RORA: variants seen among roughly 807,000 people sequenced by gnomAD.
RORA encodes the protein RAR related orphan receptor A, also known as nuclear receptor ROR-alpha.
RORA carries 7 observed loss-of-function variants against 69.5 expected under a neutral mutation model. The observed-to-expected ratio is 0.10, with a 90% CI of 0.06 to 0.19. The LOEUF (loss-of-function observed/expected upper bound fraction) is 0.19. Ranked by LOEUF, RORA falls within the 10% of genes least tolerant of loss-of-function variation. The pLI, the probability that RORA is intolerant of heterozygous loss-of-function variation, is 1.00. For synonymous variants in RORA, 261 were observed against 240.8 expected (o/e 1.08, Z -0.78); for missense variants, 457 against 663.0 (o/e 0.69, Z 3.41).
At chr15:60,964,623 G>A (rs1262104221) in intron 1 of RORA, among the ~76,000 whole-genome samples, 1 of 152,178 alleles carries the variant, frequency 6.6e-6, no homozygotes, top group African/African-American at 2.4e-5. Context: ...CTGCCTTGTG[G>A]CAAATGCAGG....
intron 1 of RORA, among the ~76,000 whole-genome samples, chr15:60,945,882 C>T (rs1266290067): frequency 6.6e-6 from 1 of 152,206 alleles, no homozygotes; most frequent in African/African-American, 2.4e-5. Flanking sequence ...ATCTATGAGG[C>T]AGAATCTATT....
At chr15:61,158,366 C>A (rs761218484) in intron 1 of RORA, among the ~76,000 whole-genome samples, 15 of 152,170 alleles carry the variant, frequency 9.9e-5, no homozygotes, top group Non-Finnish European at 1.9e-4. Context: ...TGTGGGTTCT[C>A]AACTTTCTAG....
chr15:60,542,492 C>T (rs995004956), intron 2 of RORA, among the ~76,000 whole-genome samples: 2 of 147,878 alleles, frequency 1.4e-5, no homozygotes, highest in African/African-American at 2.5e-5. Context: ...GCACCTCACA[C>T]GGCACACAGG....
chr15:61,053,932 T>C (rs977432619), intron 1 of RORA, among the ~76,000 whole-genome samples: 17 of 146,830 alleles, frequency 1.2e-4, no homozygotes, highest in Middle Eastern at 3.5e-3. Flanking sequence ...GGACAGTTTA[T>C]TTTGGTTATT....
intron 1 of RORA, among the ~76,000 whole-genome samples, chr15:61,221,159 A>G (rs528341800): frequency 1.2e-3 from 177 of 152,362 alleles, no homozygotes; most frequent in Middle Eastern, 3.4e-3. Flanking sequence ...AGGATAAGAC[A>G]GAAAAAATTA....
intron 1 of RORA, among the ~76,000 whole-genome samples, chr15:60,850,407 G>C (rs80192543): frequency 6.6e-6 from 1 of 152,174 alleles, no homozygotes; most frequent in African/African-American, 2.4e-5. Flanking sequence ...ATGTTTAAGC[G>C]GGGGGTCAGA....
At chr15:60,577,046 A>T (rs1275660557) in intron 2 of RORA, among the ~76,000 whole-genome samples, 1 of 152,052 alleles carries the variant, frequency 6.6e-6, no homozygotes, top group Non-Finnish European at 1.5e-5. Flanking sequence ...CTATATTAAT[A>T]AAAAAAACAA....
intron 1 of RORA, among the ~76,000 whole-genome samples, chr15:60,972,008 T>C (rs1451638185): frequency 6.6e-6 from 1 of 152,202 alleles, no homozygotes; most frequent in Admixed American, 6.5e-5. Flanking sequence ...GATGGGGTCA[T>C]GCCTCCCGAA....
intron 2 of RORA, among the ~76,000 whole-genome samples, chr15:60,556,427 A>G (rs980550565): frequency 6.6e-6 from 1 of 152,218 alleles, no homozygotes; most frequent in Admixed American, 6.5e-5. Flanking sequence ...CCCCACTTCT[A>G]TCCCGCCTTT....
chr15:60,919,519 G>A (rs955807671), intron 1 of RORA, among the ~76,000 whole-genome samples: 2 of 152,192 alleles, frequency 1.3e-5, no homozygotes, highest in Admixed American at 6.5e-5. Context: ...TATAGGGAGT[G>A]CCTCTGCATC....
intron 1 of RORA, among the ~76,000 whole-genome samples, chr15:60,941,566 C>T (rs188530916): frequency 9.1e-4 from 139 of 152,346 alleles, no homozygotes; most frequent in Non-Finnish European, 1.8e-3. Context: ...CCTGTCTGGA[C>T]ACAGCAGCCA....
At chr15:60,512,235 G>A (rs531871875) in intron 4 of RORA, 1 of 152,332 alleles carries the variant, frequency 6.6e-6, no homozygotes. Flanking sequence ...CATGGGTCAT[G>A]GGTCATGGCA....
chr15:61,205,177 G>A (rs982630648), intron 1 of RORA, among the ~76,000 whole-genome samples: 1 of 152,162 alleles, frequency 6.6e-6, no homozygotes, highest in Admixed American at 6.5e-5. Flanking sequence ...TGTGTGGACA[G>A]CATCCAGAAA....
chr15:60,770,696 C>G (rs74907416), intron 1 of RORA, among the ~76,000 whole-genome samples: 5,063 of 152,264 alleles, frequency 0.033, 118 homozygotes, highest in Non-Finnish European at 0.048. Context: ...AATCATAGTG[C>G]ACTGCAGCCT....
intron 1 of RORA, among the ~76,000 whole-genome samples, chr15:60,787,657 C>G (rs1453305732): frequency 1.3e-5 from 2 of 152,226 alleles, no homozygotes; most frequent in Non-Finnish European, 2.9e-5. Context: ...GGCACCTTGA[C>G]TGCTTTCAAG....
chr15:60,502,157 T>C (rs2065351086), intron 8 of RORA, among the ~76,000 whole-genome samples: 1 of 152,130 alleles, frequency 6.6e-6, no homozygotes, highest in African/African-American at 2.4e-5. Context: ...ATTTTTGTAT[T>C]TTTAGTAGAG....
At chr15:60,984,098 T>C (rs546153047) in intron 1 of RORA, among the ~76,000 whole-genome samples, 1 of 152,300 alleles carries the variant, frequency 6.6e-6, no homozygotes, top group East Asian at 1.9e-4. Context: ...AATATGTTAG[T>C]AGGATAAGAA....
chr15:60,636,277 AAG>A (rs751827194), intron 2 of RORA, among the ~76,000 whole-genome samples: 8 of 152,196 alleles, frequency 5.3e-5, no homozygotes, highest in Non-Finnish European at 7.3e-5. Flanking sequence ...TATTCCTAGA[AAG>A]AGGTAGGGAT....
At chr15:61,078,190 G>A (rs921715104) in intron 1 of RORA, among the ~76,000 whole-genome samples, 14 of 152,054 alleles carry the variant, frequency 9.2e-5, no homozygotes, top group South Asian at 2.1e-4. Context: ...ATTTTAAGAC[G>A]GAGTCTCGCT....
Sources: allele counts gnomAD v4.1 joint callset (sites outside exome capture counted in the v4.1 genomes callset), GRCh38; gene constraint gnomAD v4.1.1; transcripts MANE v1.5; gene names NCBI Gene and HGNC (gene_info 2026-07-23, HGNC 2026-07-21).